ZNF320: variants seen among roughly 807,000 people sequenced by gnomAD.
ZNF320 encodes zinc finger protein 320.
In ZNF320, 2 loss-of-function variants were observed where a neutral mutation model predicts 6.8. The ratio of observed to expected loss-of-function variants is 0.29; its 90% CI spans 0.12 to 0.93. ZNF320 has a LOEUF of 0.93. Among genes scored for constraint, ZNF320 ranks in the 40% least tolerant of loss-of-function variants. The probability of loss-of-function intolerance (pLI) is 0.55; values close to 1 mark genes in which losing one functional copy is unlikely to be tolerated. For missense variants in ZNF320, 472 were observed against 611.0 expected, an observed-to-expected ratio of 0.77 and a Z score of 2.40; for synonymous variants, 208 against 203.2, an observed-to-expected ratio of 1.02 and a Z score of -0.20.
rs185538280 is a variant in ZNF320 at position 52,880,635 on chromosome 19, G to A, written c.1491C>T (p.Phe497=). The A allele has an allele frequency of 9.2e-5, 148 of 1,612,890 alleles. 2 individuals are homozygous for A. In the East Asian group the frequency reaches 3.0e-3, roughly 33 times the overall value. ...HQKIPFGDNC[F]KCNEYSKPSS... The stretch of plus-strand genomic sequence containing the variant: ...ATGGTTTGCTATACTCATTGCACTT[G>A]AAACAATTGTCTCCAAAAGGAATTT... Residue 497 remains phenylalanine, a synonymous_variant, in exon 6 of 6, where the codon TTC becomes TTT. Coordinates refer to ENST00000682928, the MANE Select transcript of ZNF320 (RefSeq NM_001351774.2).
intron 5 of ZNF320, among the ~76,000 whole-genome samples, chr19:52,867,864 G>T (rs1012304505): frequency 1.3e-5 from 2 of 152,020 alleles, no homozygotes; most frequent in Non-Finnish European, 2.9e-5. Flanking sequence ...TGCCCGTCTC[G>T]GCCGCCCAAA....
intron 5 of ZNF320, among the ~76,000 whole-genome samples, chr19:52,882,387 A>G (rs1188145581): frequency 6.6e-6 from 1 of 152,238 alleles, no homozygotes; most frequent in Admixed American, 6.5e-5. Flanking sequence ...AAACCAGACA[A>G]TGTACTATAT....
At chr19:52,868,323 A>G (rs1408834926) in intron 5 of ZNF320, among the ~76,000 whole-genome samples, 1 of 152,044 alleles carries the variant, frequency 6.6e-6, no homozygotes, top group Non-Finnish European at 1.5e-5. Flanking sequence ...TCTGACTGAC[A>G]TGGAAAAACC....
chr19:52,884,769 A>G (rs1323555556), intron 5 of ZNF320, among the ~76,000 whole-genome samples: 3 of 152,178 alleles, frequency 2.0e-5, no homozygotes, highest in Non-Finnish European at 4.4e-5. Context: ...GCTATTTCTA[A>G]CAGTGAAATG....
intron 5 of ZNF320, among the ~76,000 whole-genome samples, chr19:52,883,359 G>A (rs994639364): frequency 5.3e-5 from 8 of 152,200 alleles, no homozygotes; most frequent in East Asian, 3.9e-4. Flanking sequence ...TGTGCCCAGC[G>A]GCAGTTTGTG....
chr19:52,872,600 C>T (rs1268734685), downstream of ZNF320, among the ~76,000 whole-genome samples: 2 of 152,158 alleles, frequency 1.3e-5, no homozygotes. Context: ...CTCCCGGGTT[C>T]ATGCCATTCT....
the ZNF320 span, among the ~76,000 whole-genome samples, chr19:52,903,149 A>G: frequency 6.6e-6 from 1 of 152,198 alleles, no homozygotes; most frequent in Admixed American, 6.5e-5. Context: ...GCATAAAAAA[A>G]TTTTTTAAAG....
chr19:52,863,811 T>C, exon 6 of ZNF320: 1 of 207,288 alleles, frequency 4.8e-6, no homozygotes, highest in Non-Finnish European at 9.8e-6. Context: ...GGCGGGTGGG[T>C]ATGGAGGTCA....
chr19:52,865,055 C>T (rs1348449363), intron 5 of ZNF320, among the ~76,000 whole-genome samples: 1 of 151,976 alleles, frequency 6.6e-6, no homozygotes, highest in African/African-American at 2.4e-5. Flanking sequence ...GGCACAGTGG[C>T]TCATGCCTGC....
intron 4 of ZNF320, among the ~76,000 whole-genome samples, chr19:52,889,152 C>G (rs1035800677): frequency 6.6e-6 from 1 of 151,742 alleles, no homozygotes; most frequent in Non-Finnish European, 1.5e-5. Context: ...CCATTGCACT[C>G]CAGCCTGGTG....
chr19:52,867,553 A>G (rs1287795485), intron 5 of ZNF320, among the ~76,000 whole-genome samples: 1 of 151,950 alleles, frequency 6.6e-6, no homozygotes, highest in Non-Finnish European at 1.5e-5. Context: ...CATTTGAGAT[A>G]ATTTGGTCAT....
upstream of ZNF320, among the ~76,000 whole-genome samples, chr19:52,899,617 G>A (rs1373254546): frequency 4.0e-5 from 6 of 151,884 alleles, no homozygotes; most frequent in Admixed American, 1.3e-4. Context: ...TGCTGCCACC[G>A]CACCCGGCTA....
chr19:52,890,512 G>A (rs900750012), intron 3 of ZNF320, 184 bp from the exon 4 acceptor site: 17 of 496,614 alleles, frequency 3.4e-5, no homozygotes, highest in Admixed American at 6.7e-5. Flanking sequence ...CCACACACAC[G>A]CTGCAGCAGT....
At chr19:52,902,893 T>A in the ZNF320 span, among the ~76,000 whole-genome samples, 1 of 152,212 alleles carries the variant, frequency 6.6e-6, no homozygotes, top group Non-Finnish European at 1.5e-5. Context: ...AAAAACTGGA[T>A]GATACCTTTT....
intron 4 of ZNF320, among the ~76,000 whole-genome samples, chr19:52,889,741 T>C (rs1789618273): frequency 6.6e-6 from 1 of 152,228 alleles, no homozygotes; most frequent in African/African-American, 2.4e-5. Context: ...TTCTAATTAG[T>C]AAGATTTTTT....
intron 5 of ZNF320, among the ~76,000 whole-genome samples, chr19:52,884,247 C>T (rs1051747870): frequency 9.9e-5 from 15 of 152,004 alleles, no homozygotes; most frequent in African/African-American, 3.4e-4. Context: ...CTTCCTTTTT[C>T]GTTTATTCTT....
At chr19:52,859,973 C>T (rs373609366), downstream of ZNF320, among the ~76,000 whole-genome samples, 37 of 149,186 alleles carry the variant, frequency 2.5e-4, no homozygotes, top group South Asian at 2.8e-3. Flanking sequence ...AATGCAGTGG[C>T]GCAATATCCG....
At chr19:52,873,213 G>A (rs115135524), downstream of ZNF320, among the ~76,000 whole-genome samples, 10,989 of 152,226 alleles carry the variant, frequency 0.072, 486 homozygotes, top group African/African-American at 0.12. Flanking sequence ...TTGTCGGGCT[G>A]AGGGACCTGT....
intron 5 of ZNF320, chr19:52,865,475 T>TATATATATATATGTAATAC: frequency 2.5e-5 from 1 of 40,330 alleles, no homozygotes; most frequent in African/African-American, 1.1e-4. Context: ...ATATATTACA[T>TATATATATATATGTAATAC]ATATATATAA....
Sources: allele counts gnomAD v4.1 joint callset (sites outside exome capture counted in the v4.1 genomes callset), GRCh38; gene constraint gnomAD v4.1.1; transcripts MANE v1.5; gene names NCBI Gene and HGNC (gene_info 2026-07-23, HGNC 2026-07-21).